Variants in MGAT5 observed in about 807,000 individuals in gnomAD.
MGAT5 encodes the protein alpha-1,6-mannosylglycoprotein 6-beta-N-acetylglucosaminyltransferase.
MGAT5 carries 30 observed loss-of-function variants against 94.3 expected under a neutral mutation model. That is an observed-to-expected ratio of 0.32 (90% CI 0.24 to 0.43). The LOEUF is 0.43. Ranked by LOEUF, MGAT5 falls within the 20% of genes least tolerant of loss-of-function variation. The probability of loss-of-function intolerance (pLI) is 1.00; values close to 1 mark genes in which losing one functional copy is unlikely to be tolerated. For missense variants in MGAT5, 691 were observed against 905.5 expected, an observed-to-expected ratio of 0.76 and a Z score of 3.04; for synonymous variants, 310 against 322.9, an observed-to-expected ratio of 0.96 and a Z score of 0.43.
At chr2:134,321,320 A>G (rs1687303983) in intron 4 of MGAT5, among the ~76,000 whole-genome samples, 1 of 152,212 alleles carries the variant, frequency 6.6e-6, no homozygotes, top group Admixed American at 6.5e-5. Flanking sequence ...AAGCTGGGCT[A>G]ATTTCATGCC....
At chr2:134,129,199 T>C (rs548586513) in intron 1 of MGAT5, among the ~76,000 whole-genome samples, 1 of 152,316 alleles carries the variant, frequency 6.6e-6, no homozygotes, top group East Asian at 1.9e-4. Context: ...TTCTAGAGGC[T>C]GCCCGTGTTC....
At chr2:134,391,760 C>T (rs143619975) in intron 10 of MGAT5, among the ~76,000 whole-genome samples, 2 of 152,290 alleles carry the variant, frequency 1.3e-5, no homozygotes, top group East Asian at 3.9e-4. Flanking sequence ...ACAAGAAAGA[C>T]TTGGCTAGAA....
chr2:134,162,426 G>A (rs1423429725), intron 1 of MGAT5, among the ~76,000 whole-genome samples: 1 of 152,114 alleles, frequency 6.6e-6, no homozygotes, highest in Non-Finnish European at 1.5e-5. Context: ...AGTTGTTAGG[G>A]TTTTAATGGA....
chr2:134,237,148 T>TGTGCGC (rs374914892), intron 1 of MGAT5, among the ~76,000 whole-genome samples: 27 of 140,828 alleles, frequency 1.9e-4, no homozygotes, highest in African/African-American at 6.0e-4. Context: ...TGTGTGTGTG[T>TGTGCGC]GCGCGTGTGT....
chr2:134,234,415 C>CA (rs1219429206), intron 1 of MGAT5, among the ~76,000 whole-genome samples: 4 of 152,186 alleles, frequency 2.6e-5, no homozygotes, highest in Non-Finnish European at 5.9e-5. Flanking sequence ...CAACAGGGAG[C>CA]AGATCATAAA....
chr2:134,322,608 T>C, intron 4 of MGAT5, among the ~76,000 whole-genome samples: 1 of 152,188 alleles, frequency 6.6e-6, no homozygotes. Flanking sequence ...GTGAGATTAG[T>C]AGAGATGTTT....
At chr2:134,178,922 C>T (rs927582492) in intron 1 of MGAT5, among the ~76,000 whole-genome samples, 1 of 152,168 alleles carries the variant, frequency 6.6e-6, no homozygotes, top group Non-Finnish European at 1.5e-5. Context: ...TCTGTGAAGG[C>T]AGGTATAGTC....
intron 1 of MGAT5, among the ~76,000 whole-genome samples, chr2:134,129,379 A>G (rs1162095020): frequency 6.6e-6 from 1 of 152,200 alleles, no homozygotes; most frequent in South Asian, 2.1e-4. Flanking sequence ...TCTCCCATCT[A>G]CAGGTACTTG....
chr2:134,430,305 C>T (rs138173019), intron 14 of MGAT5, among the ~76,000 whole-genome samples: 114 of 152,306 alleles, frequency 7.5e-4, no homozygotes, highest in African/African-American at 2.7e-3. Flanking sequence ...TTATTTCTCC[C>T]CTGAGGCTCA....
At chr2:134,180,720 A>G (rs1688694126) in intron 1 of MGAT5, among the ~76,000 whole-genome samples, 1 of 152,180 alleles carries the variant, frequency 6.6e-6, no homozygotes, top group African/African-American at 2.4e-5. Flanking sequence ...ACCTGGAGAA[A>G]GCACATAATG....
intron 1 of MGAT5, among the ~76,000 whole-genome samples, chr2:134,264,017 GT>G (rs763608726): frequency 1.3e-3 from 142 of 108,936 alleles, no homozygotes; most frequent in East Asian, 3.8e-3. Flanking sequence ...ATGCCATTAG[GT>G]TTTTTTTTTT....
chr2:134,349,984 A>G, intron 9 of MGAT5, 46 bp downstream of exon 9: 1 of 1,605,876 alleles, frequency 6.2e-7, no homozygotes, highest in Non-Finnish European at 8.5e-7. Context: ...GCCACCAAAG[A>G]TAGATGGGAA....
chr2:134,308,897 G>A (rs999542794), intron 2 of MGAT5, among the ~76,000 whole-genome samples: 5 of 152,164 alleles, frequency 3.3e-5, no homozygotes, highest in Admixed American at 3.3e-4. Context: ...TTAGTTCGAT[G>A]TGGCTTTCAG....
chr2:134,327,551 C>T (rs1687711385), intron 4 of MGAT5, among the ~76,000 whole-genome samples: 1 of 152,102 alleles, frequency 6.6e-6, no homozygotes, highest in Non-Finnish European at 1.5e-5. Flanking sequence ...GGAGCTGTTC[C>T]AGCCCTGGGC....
At chr2:134,299,161 G>A (rs886252514) in intron 2 of MGAT5, among the ~76,000 whole-genome samples, 3 of 152,192 alleles carry the variant, frequency 2.0e-5, no homozygotes, top group African/African-American at 4.8e-5. Context: ...CTGTGAGCCA[G>A]TGTTATTCTG....
At chr2:134,298,609 A>C (rs1033538227) in intron 2 of MGAT5, among the ~76,000 whole-genome samples, 1 of 152,190 alleles carries the variant, frequency 6.6e-6, no homozygotes, top group Non-Finnish European at 1.5e-5. Context: ...ATTCAACATC[A>C]ACTAAATATA....
intron 1 of MGAT5, among the ~76,000 whole-genome samples, chr2:134,123,450 C>T (rs1259563460): frequency 1.3e-5 from 2 of 152,204 alleles, no homozygotes; most frequent in East Asian, 3.8e-4. Flanking sequence ...AGTTTATGTC[C>T]TCTCCTTCCC....
chr2:134,311,057 A>T (rs1386061896), intron 2 of MGAT5, among the ~76,000 whole-genome samples: 1 of 152,198 alleles, frequency 6.6e-6, no homozygotes. Context: ...TTGCTGGAGA[A>T]CTTTATCTTT....
chr2:134,169,413 G>GACACAC (rs71660291), intron 1 of MGAT5, among the ~76,000 whole-genome samples: 37 of 126,976 alleles, frequency 2.9e-4, no homozygotes, highest in African/African-American at 9.2e-4. Context: ...CACACACACA[G>GACACAC]ACACACACAC....
Sources: gnomAD v4.1 joint callset for allele counts (sites outside exome capture counted in the v4.1 genomes callset) on GRCh38, gnomAD v4.1.1 for gene constraint, MANE v1.5 for transcripts, NCBI Gene and HGNC (gene_info 2026-07-23, HGNC 2026-07-21) for gene names.